ERICH1: variants seen among roughly 807,000 people sequenced by gnomAD.
ERICH1 encodes glutamate rich 1.
In ERICH1, 56 loss-of-function variants were observed where a neutral mutation model predicts 39.6. That is an observed-to-expected ratio of 1.41 (90% CI 1.14 to 1.77). The LOEUF is 1.77. ERICH1 is among the 40% of genes most tolerant of loss of function. ERICH1 has a pLI of 0.00. For missense variants in ERICH1, 826 were observed against 575.4 expected (o/e 1.44, Z -4.45); for synonymous variants, 313 against 223.6 (o/e 1.40, Z -3.57).
intron 1 of ERICH1, among the ~76,000 whole-genome samples, chr8:724,465 AAC>A (rs983818086): frequency 6.6e-6 from 1 of 152,176 alleles, no homozygotes; most frequent in Non-Finnish European, 1.5e-5. Flanking sequence ...AGCACTGGTA[AAC>A]ACACCCAGCG....
At chr8:706,563 C>T (rs189098942) in intron 2 of ERICH1, among the ~76,000 whole-genome samples, 2 of 152,080 alleles carry the variant, frequency 1.3e-5, no homozygotes, top group African/African-American at 4.8e-5. Context: ...CACCTGAGGT[C>T]GGGAGTTCGA....
At chr8:722,840 G>A (rs1817639466) in intron 1 of ERICH1, among the ~76,000 whole-genome samples, 1 of 152,216 alleles carries the variant, frequency 6.6e-6, no homozygotes, top group Admixed American at 6.5e-5. Flanking sequence ...CTGCTCAGGA[G>A]AAGCTGTAAA....
chr8:678,976 C>T (rs952113589), intron 3 of ERICH1, among the ~76,000 whole-genome samples: 10 of 152,152 alleles, frequency 6.6e-5, no homozygotes, highest in Middle Eastern at 3.4e-3. Context: ...GCTTCAGCTC[C>T]GACCCCTCAC....
rs112642863 is a variant in ERICH1 at position 724,253 on chromosome 8, C to T, written c.22+6887G>A. 8.2e-3 allele frequency among the ~76,000 whole-genome samples: 1,253 copies of T among 152,266 alleles called. 12 individuals are homozygous for T. Among genetic ancestry groups the T allele is most frequent in the South Asian group, 0.022 (104 of 4,822 alleles). ...ACCTGCAGGCCAGCTGCTCAGGATG[C>T]TGCGTCAGGAGGATTACTGGAGAAC... On this transcript the variant is annotated intron_variant, in intron 1 of 5. Coordinates refer to ENST00000262109, the MANE Select transcript of ERICH1 (RefSeq NM_207332.3).
intron 3 of ERICH1, among the ~76,000 whole-genome samples, chr8:622,092 T>G (rs889365710): frequency 6.6e-6 from 1 of 152,138 alleles, no homozygotes; most frequent in Non-Finnish European, 1.5e-5. Flanking sequence ...TGGTGGCATG[T>G]GCACCTGTAG....
At chr8:655,708 T>TTCCTTCC (rs1800571466) in intron 3 of ERICH1, among the ~76,000 whole-genome samples, 1 of 113,246 alleles carries the variant, frequency 8.8e-6, no homozygotes, top group Non-Finnish European at 2.0e-5. Flanking sequence ...TCCTTCCTTC[T>TTCCTTCC]TTCCTTCCTC....
At chr8:695,095 C>T (rs1454324264) in intron 2 of ERICH1, among the ~76,000 whole-genome samples, 7 of 146,620 alleles carry the variant, frequency 4.8e-5, no homozygotes, top group African/African-American at 7.4e-5. Flanking sequence ...GTCACCTCTT[C>T]GCAGGTGTCA....
chr8:639,423 G>T (rs1237577949), intron 3 of ERICH1, among the ~76,000 whole-genome samples: 2 of 152,322 alleles, frequency 1.3e-5, no homozygotes, highest in Non-Finnish European at 2.9e-5. Context: ...ATGAGGAGAT[G>T]ATTTGAAAAG....
chr8:683,156 G>A (rs1270069337), intron 3 of ERICH1, among the ~76,000 whole-genome samples: 2 of 152,234 alleles, frequency 1.3e-5, no homozygotes, highest in African/African-American at 2.4e-5. Context: ...GCCCCGGGCA[G>A]GGTGGTTTGA....
chr8:659,839 T>G (rs1585089722), downstream of ERICH1, among the ~76,000 whole-genome samples: 1 of 58,484 alleles, frequency 1.7e-5, no homozygotes. Context: ...CTGACCATCC[T>G]GGGGAGGGGG....
At chr8:724,492 C>T (rs1255996855) in intron 1 of ERICH1, among the ~76,000 whole-genome samples, 4 of 152,102 alleles carry the variant, frequency 2.6e-5, no homozygotes, top group Non-Finnish European at 5.9e-5. Flanking sequence ...GCGAGCAGCC[C>T]AGGGGCTTCC....
At chr8:663,683 A>T (rs945197727), downstream of ERICH1, among the ~76,000 whole-genome samples, 4 of 152,084 alleles carry the variant, frequency 2.6e-5, no homozygotes. Context: ...AGCTGTATGT[A>T]TGTTTTACCA....
chr8:683,538 A>G (rs1227506055), intron 3 of ERICH1, among the ~76,000 whole-genome samples: 4 of 152,188 alleles, frequency 2.6e-5, no homozygotes, highest in Non-Finnish European at 5.9e-5. Flanking sequence ...CTGAATCTGG[A>G]GCAGTAATTT....
chr8:678,187 A>G (rs569371682), intron 3 of ERICH1, among the ~76,000 whole-genome samples: 8 of 152,116 alleles, frequency 5.3e-5, no homozygotes, highest in African/African-American at 1.7e-4. Context: ...TTTTCTCAGG[A>G]TGCTCCCTGC....
intron 1 of ERICH1, among the ~76,000 whole-genome samples, chr8:719,656 C>T (rs1816838473): frequency 6.6e-6 from 1 of 152,216 alleles, no homozygotes; most frequent in South Asian, 2.1e-4. Flanking sequence ...TGGCAGACGT[C>T]GCTGTGGGCT....
chr8:664,380 T>C lies in ERICH1; in HGVS notation c.*223A>G, dbSNP rs1801875115. 1 of 1,188,326 alleles carries C rather than the reference T, an allele frequency of 8.4e-7. No individual in the cohort carries two copies. Among genetic ancestry groups the C allele is most frequent in the Non-Finnish European group, 1.0e-6 (1 of 959,554 alleles). 73.6% of individuals were successfully genotyped at this position (1,188,326 alleles called of 1,614,324 possible). ...AACAGAATCAAGTTTTATGTAGTAATTCAAGATATATATAATTGCAAATAA... is the reference window on the plus strand; with the variant it reads ...AACAGAATCAAGTTTTATGTAGTAACTCAAGATATATATAATTGCAAATAA... On this transcript the variant is annotated 3_prime_UTR_variant, in exon 6 of 6. Transcript: ENST00000262109.
At chr8:642,205 G>T (rs1311807430) in intron 3 of ERICH1, among the ~76,000 whole-genome samples, 2 of 152,344 alleles carry the variant, frequency 1.3e-5, no homozygotes, top group Admixed American at 1.3e-4. Flanking sequence ...CCAGGTGGCA[G>T]AGGCACTGGT....
At chr8:630,910 C>T (rs1350079641) in intron 3 of ERICH1, among the ~76,000 whole-genome samples, 7 of 150,986 alleles carry the variant, frequency 4.6e-5, no homozygotes, top group African/African-American at 1.7e-4. Flanking sequence ...TGACTCACAC[C>T]CTCCCGTGAC....
At chr8:691,249 G>A (rs1808832427) in intron 3 of ERICH1, among the ~76,000 whole-genome samples, 1 of 152,252 alleles carries the variant, frequency 6.6e-6, no homozygotes, top group Admixed American at 6.5e-5. Context: ...AGGGCTCCTG[G>A]ACACGTGTCC....
Sources: gnomAD v4.1 joint callset for allele counts (sites outside exome capture counted in the v4.1 genomes callset) on GRCh38, gnomAD v4.1.1 for gene constraint, MANE v1.5 for transcripts, NCBI Gene and HGNC (gene_info 2026-07-23, HGNC 2026-07-21) for gene names.